The following PTRH1 variants were observed in gnomAD, a reference collection of about 807,000 sequenced individuals.
PTRH1 encodes the protein peptidyl-tRNA hydrolase 1 homolog.
Under a neutral mutation model 15.7 loss-of-function variants are expected in PTRH1, and 13 were observed. The observed-to-expected ratio is 0.83, with a 90% CI of 0.54 to 1.31. The LOEUF is 1.31. PTRH1 is among the 40% of genes most tolerant of loss of function. The probability of loss-of-function intolerance (pLI) is 0.00; values close to 1 mark genes in which losing one functional copy is unlikely to be tolerated. For synonymous variants in PTRH1, 139 were observed against 136.7 expected (o/e 1.02, Z -0.12); for missense variants, 319 against 296.2 (o/e 1.08, Z -0.56).
In PTRH1 at chr9:127,714,306, A is replaced by C. The variant is rs1449739960; in HGVS notation, c.463-24T>G. ...GCCTGTGGGAGAGCCAGAGAGGCCC[A>C]GGAAGCTTTGGCGAGGTGCTGGGGG... is the stretch of plus-strand genomic sequence containing the variant. On this transcript the variant is annotated intron_variant, in intron 4 of 4. Transcript: ENST00000543175. 4 of 1,614,056 alleles carry C rather than the reference A, an allele frequency of 2.5e-6. No homozygotes were observed. In the South Asian group the frequency reaches 3.3e-5, roughly 13 times the overall value.
downstream of PTRH1, chr9:127,711,509 G>A (rs776140417): frequency 1.9e-5 from 30 of 1,610,146 alleles, no homozygotes; most frequent in South Asian, 1.1e-4. Flanking sequence ...GTGCCTGCAG[G>A]CCTCAGCACA....
At position 127,705,084 on chromosome 9, in the gene PTRH1, C is replaced by T. The variant is rs1842632682; in HGVS notation, c.206-9943G>A. Among the ~76,000 whole-genome samples, 1 of 152,122 alleles carries T rather than the reference C, an allele frequency of 6.6e-6. No individual in the cohort carries two copies. Among genetic ancestry groups the T allele is most frequent in the African/African-American group, 2.4e-5 (1 of 41,406 alleles). ...TAATGATGCCTGGCCTCCCTGCTTC[C>T]CCAGGGCCTAGGTTTCTTCCCTCCA... On this transcript the variant is annotated intron_variant, in intron 1 of 2. Transcript: ENST00000335223. This position sits in a 1 kb window ranked among gnomAD's most constrained non-coding sequence, Gnocchi z 4.7.
chr9:127,700,695 C>G (rs1395614273), intron 1 of PTRH1, among the ~76,000 whole-genome samples: 1 of 152,230 alleles, frequency 6.6e-6, no homozygotes, highest in East Asian at 1.9e-4. Context: ...AAGTCACACA[C>G]TCCACACTTG....
At chr9:127,709,773 G>A (rs1842722118), downstream of PTRH1, 1 of 1,460,304 alleles carries the variant, frequency 6.8e-7, no homozygotes, top group African/African-American at 1.4e-5. The surrounding 1 kb of genome is among the most constrained non-coding windows in gnomAD (Gnocchi z 4.7). Context: ...CTGGGAAACA[G>A]GGATAATAGC....
At chr9:127,711,813 C>A, downstream of PTRH1, 1 of 1,558,514 alleles carries the variant, frequency 6.4e-7, no homozygotes, top group Non-Finnish European at 8.7e-7. Flanking sequence ...CCTGTCCGCA[C>A]CCGCAGATCA....
downstream of PTRH1, chr9:127,710,619 T>C (rs1842743764): frequency 6.3e-7 from 1 of 1,585,430 alleles, no homozygotes; most frequent in Non-Finnish European, 8.6e-7. Context: ...CTGGCAGCCC[T>C]GGAGGAGTTC....
At chr9:127,702,774 T>C (rs1842613655) in intron 1 of PTRH1, among the ~76,000 whole-genome samples, 1 of 151,936 alleles carries the variant, frequency 6.6e-6, no homozygotes, top group Admixed American at 6.6e-5. Context: ...TGCAATGGCA[T>C]GATCTCAGCT....
At chr9:127,709,348 G>A (rs1299691563), downstream of PTRH1, 13 of 1,497,374 alleles carry the variant, frequency 8.7e-6, no homozygotes, top group Non-Finnish European at 1.2e-5. This position sits in a 1 kb window ranked among gnomAD's most constrained non-coding sequence, Gnocchi z 4.7. Context: ...GAGTCCAGGA[G>A]AGTGGGCCCA....
chr9:127,715,051 C>A lies in PTRH1; in HGVS notation c.240G>T (p.Pro80=), dbSNP rs1014107782. 3.9e-6 allele frequency: 6 copies of A among 1,525,710 alleles called. No homozygotes were observed. The African/African-American group carries it at 5.5e-5, about 14-fold the overall frequency. The allele number at this position is 1,525,710 out of a possible 1,614,324, so 94.5% of individuals were successfully genotyped here. A position where few individuals can be genotyped will look rare whatever the true frequency, so the allele number is the denominator to read the frequency against. Residue 80 remains proline (P), a synonymous_variant, in exon 2 of 5, where the codon CCG becomes CCT. Transcript: ENST00000543175. This position sits in a 1 kb window ranked among gnomAD's most constrained non-coding sequence, Gnocchi z 5.8. The stretch of plus-strand genomic sequence containing the variant: ...GCAGGACCAGTTGGGCATCCCCCAG[C>A]GGGGCCAGGGCGAGGTCGGCGGCAC... ...RHCAADLALA[P]LGDAQLVLLR... is the part of the protein sequence containing the mutation.
chr9:127,714,920 G>GCCCCCACC, intron 2 of PTRH1, 55 bp downstream of exon 2: 3 of 454,960 alleles, frequency 6.6e-6, no homozygotes, highest in Non-Finnish European at 1.2e-5. Context: ...TGGCCCCCGC[G>GCCCCCACC]CCCCAACCCC....
chr9:127,715,578 A>T lies in PTRH1; in HGVS notation c.62T>A (p.Val21Asp), dbSNP rs763297966. ...CTTCCCCGGGGGGCGAGGCTCCAAA[A>T]CACATCGGCTCATGGCTCTACTCAG... is the stretch of plus-strand genomic sequence containing the variant. ...QRLSRAMSRC[V>D]LEPRPPGKRW... Residue 21 changes from valine to aspartate, a missense_variant, in exon 1 of 5, where the codon GTT becomes GAT. Transcript: ENST00000543175. The surrounding 1 kb of genome is among the most constrained non-coding windows in gnomAD (Gnocchi z 5.8). The T allele has an allele frequency of 9.9e-6, 16 of 1,613,346 alleles. No homozygotes were observed. Among genetic ancestry groups the T allele is most frequent in the African/African-American group, 1.3e-5 (1 of 74,930 alleles).
rs1256751226 is a variant in PTRH1, at chr9:127,705,082, T to C, written c.206-9941A>G. Among the ~76,000 whole-genome samples, 4 of 152,034 alleles carry C rather than the reference T, an allele frequency of 2.6e-5. No individual in the cohort carries two copies. The highest frequency in any genetic ancestry group is 5.9e-5 in the Non-Finnish European group (4 of 67,986). On this transcript the variant is annotated intron_variant, in intron 1 of 2. Coordinates refer to the PTRH1 transcript ENST00000335223. The surrounding 1 kb of genome is among the most constrained non-coding windows in gnomAD (Gnocchi z 4.7). ...TTTAATGATGCCTGGCCTCCCTGCT[T>C]CCCCAGGGCCTAGGTTTCTTCCCTC...
chr9:127,709,443 G>A, downstream of PTRH1: 1 of 1,613,642 alleles, frequency 6.2e-7, no homozygotes, highest in Non-Finnish European at 8.5e-7. The surrounding 1 kb of genome is among the most constrained non-coding windows in gnomAD (Gnocchi z 4.7). Context: ...AGTGGGATGA[G>A]CTGGCTGTGC....
At chr9:127,712,060 AGCCT>A, downstream of PTRH1, 6 of 1,500,724 alleles carry the variant, frequency 4.0e-6, no homozygotes, top group Non-Finnish European at 5.4e-6. Context: ...TCTCTAGAGG[AGCCT>A]GCCAGACAGG....
chr9:127,711,094 A>C (rs1173812562), downstream of PTRH1: 8 of 1,146,946 alleles, frequency 7.0e-6, no homozygotes, highest in African/African-American at 1.6e-5. Flanking sequence ...CCTCCCACCC[A>C]TAGCCCCAAC....
chr9:127,694,579 A>G (rs576805559), intron 2 of PTRH1, among the ~76,000 whole-genome samples: 2 of 151,976 alleles, frequency 1.3e-5, no homozygotes, highest in Admixed American at 1.3e-4. Context: ...GCCACTGCTA[A>G]AAAGTCTCCA....
chr9:127,697,148 A>G (rs1842567673), intron 1 of PTRH1, among the ~76,000 whole-genome samples: 4 of 152,244 alleles, frequency 2.6e-5, no homozygotes, highest in Admixed American at 2.0e-4. Flanking sequence ...CAGTTACTTC[A>G]ATCAAATATT....
chr9:127,694,894 T>C (rs1209275443), intron 2 of PTRH1: 1 of 674,592 alleles, frequency 1.5e-6, no homozygotes, highest in Non-Finnish European at 2.7e-6. Context: ...AAGGCCAGAG[T>C]GGTTAGGAGC....
chr9:127,698,905 CTTTTTTTTTTT>C (rs143136665), intron 1 of PTRH1, among the ~76,000 whole-genome samples: 1 of 136,866 alleles, frequency 7.3e-6, no homozygotes, highest in Admixed American at 7.4e-5. Context: ...ACAAGACCAA[CTTTTTTTTTTT>C]TTTTTTTTTT....
Sources: allele counts gnomAD v4.1 joint callset (sites outside exome capture counted in the v4.1 genomes callset), GRCh38; gene constraint gnomAD v4.1.1; non-coding constraint Gnocchi (gnomAD v3.1); transcripts MANE v1.5; gene names NCBI Gene and HGNC (gene_info 2026-07-23, HGNC 2026-07-21).